AGBL4: variants seen among roughly 807,000 people sequenced by gnomAD.
AGBL4 encodes AGBL carboxypeptidase 4.
Under a neutral mutation model 66.4 loss-of-function variants are expected in AGBL4, and 58 were observed. That is an observed-to-expected ratio of 0.87 (90% CI 0.71 to 1.09). The LOEUF is 1.09. Ranked by LOEUF, AGBL4 falls within the 50% of genes least tolerant of loss-of-function variation. AGBL4 has a pLI of 0.00. For missense variants in AGBL4, 579 were observed against 631.0 expected, an observed-to-expected ratio of 0.92 and a Z score of 0.88; for synonymous variants, 234 against 222.9, an observed-to-expected ratio of 1.05 and a Z score of -0.44.
chr1:49,058,156 A>G (rs768791653), intron 4 of AGBL4, among the ~76,000 whole-genome samples: 1 of 152,226 alleles, frequency 6.6e-6, no homozygotes, highest in Non-Finnish European at 1.5e-5. Flanking sequence ...ATCCTGCAAA[A>G]TGTAGTATCC....
chr1:49,455,979 T>C (rs1035731932), intron 3 of AGBL4, among the ~76,000 whole-genome samples: 3 of 151,800 alleles, frequency 2.0e-5, no homozygotes, highest in African/African-American at 7.2e-5. Context: ...CTATAGATAA[T>C]GAGGGCAAGA....
chr1:48,915,101 T>C lies in AGBL4; in HGVS notation c.595-47871A>G, dbSNP rs570576042. ...ATTTGTTATTTATTATTACCTGGAG[T>C]ATGAAAAAGAAACATTTTAGCATGA... is the stretch of plus-strand genomic sequence containing the variant. On this transcript the variant is annotated intron_variant, in intron 5 of 13. Coordinates refer to ENST00000371839, the MANE Select transcript of AGBL4 (RefSeq NM_032785.4). Among the ~76,000 whole-genome samples the C allele has an allele frequency of 2.4e-4, 37 of 152,284 alleles. 1 individual carries two copies. The South Asian group carries it at 7.5e-3, about 31-fold the overall frequency.
At chr1:49,859,375 A>G (rs1646512758) in intron 1 of AGBL4, among the ~76,000 whole-genome samples, 1 of 152,222 alleles carries the variant, frequency 6.6e-6, no homozygotes, top group Non-Finnish European at 1.5e-5. Flanking sequence ...GTCTGAGGAA[A>G]GTATATCATG....
intron 3 of AGBL4, among the ~76,000 whole-genome samples, chr1:49,314,778 T>A (rs1298526618): frequency 2.6e-5 from 4 of 152,148 alleles, no homozygotes; most frequent in African/African-American, 9.7e-5. Context: ...ATGGTATTTC[T>A]GGTTCTAGAT....
chr1:48,605,382 G>A (rs1645139535), intron 9 of AGBL4, among the ~76,000 whole-genome samples: 2 of 152,140 alleles, frequency 1.3e-5, no homozygotes, highest in Non-Finnish European at 2.9e-5. Flanking sequence ...TCCAGACTGT[G>A]TGATGCTCCT....
rs760433242 is a variant in AGBL4, at chr1:49,530,996, T to C, written c.282+166317A>G. On this transcript the variant is annotated intron_variant, in intron 3 of 13. Coordinates refer to ENST00000371839, the MANE Select transcript of AGBL4 (RefSeq NM_032785.4). ...TAGTATATGTAAATACCTAGGTCAA[T>C]ACCTAGCACAGAGCACTCAATCAAT... Among the ~76,000 whole-genome samples the C allele has an allele frequency of 2.8e-4, 42 of 152,142 alleles. 1 individual carries two copies. The highest frequency in any genetic ancestry group is 4.7e-4 in the Non-Finnish European group (32 of 68,016).
At chr1:49,189,976 T>A (rs867078699) in intron 4 of AGBL4, among the ~76,000 whole-genome samples, 3 of 152,190 alleles carry the variant, frequency 2.0e-5, no homozygotes, top group African/African-American at 7.2e-5. Context: ...ATGCATTCTT[T>A]GTTTTTATTT....
At chr1:48,628,985 A>G (rs534745885) in intron 9 of AGBL4, among the ~76,000 whole-genome samples, 7 of 152,112 alleles carry the variant, frequency 4.6e-5, no homozygotes, top group Non-Finnish European at 7.4e-5. Context: ...ACTCTGCCCT[A>G]TTAATCTCTG....
intron 5 of AGBL4, among the ~76,000 whole-genome samples, chr1:48,870,579 C>T (rs1648553810): frequency 6.6e-6 from 1 of 152,122 alleles, no homozygotes; most frequent in Non-Finnish European, 1.5e-5. Flanking sequence ...CTTTGGGGTT[C>T]TTTGCCTTTA....
intron 5 of AGBL4, among the ~76,000 whole-genome samples, chr1:48,954,993 G>A (rs926633113): frequency 2.6e-5 from 4 of 152,148 alleles, no homozygotes; most frequent in Admixed American, 2.0e-4. Context: ...AGGGCTTAGC[G>A]TGATTAAGTG....
At chr1:48,738,969 A>C (rs1057113871) in intron 6 of AGBL4, among the ~76,000 whole-genome samples, 1 of 152,226 alleles carries the variant, frequency 6.6e-6, no homozygotes, top group African/African-American at 2.4e-5. Flanking sequence ...TAAGGTACAC[A>C]ATCAGTCAAT....
At chr1:48,719,081 T>C (rs1647100224) in intron 6 of AGBL4, among the ~76,000 whole-genome samples, 1 of 152,190 alleles carries the variant, frequency 6.6e-6, no homozygotes, top group Non-Finnish European at 1.5e-5. Context: ...ACTCTTTTAC[T>C]CCACATCCCA....
chr1:49,248,950 A>T (rs1007516803), intron 3 of AGBL4, among the ~76,000 whole-genome samples: 1 of 152,162 alleles, frequency 6.6e-6, no homozygotes, highest in African/African-American at 2.4e-5. Flanking sequence ...TGTTAGTCTA[A>T]GAGTAGGTAT....
intron 6 of AGBL4, among the ~76,000 whole-genome samples, chr1:48,735,992 C>T (rs1334500703): frequency 6.6e-6 from 1 of 152,208 alleles, no homozygotes; most frequent in African/African-American, 2.4e-5. Flanking sequence ...CCTTAGCACA[C>T]CATCTGTCCC....
chr1:49,417,441 C>T (rs1026003817), intron 3 of AGBL4, among the ~76,000 whole-genome samples: 11 of 151,986 alleles, frequency 7.2e-5, no homozygotes, highest in African/African-American at 2.2e-4. Context: ...TCAAAATTCC[C>T]TCAACTGATC....
intron 3 of AGBL4, among the ~76,000 whole-genome samples, chr1:49,407,439 C>A (rs1005792813): frequency 6.6e-6 from 1 of 152,174 alleles, no homozygotes; most frequent in Non-Finnish European, 1.5e-5. Flanking sequence ...AGTCACAGTG[C>A]AGATTTTAGA....
intron 6 of AGBL4, among the ~76,000 whole-genome samples, chr1:48,794,047 G>T (rs185534777): frequency 3.3e-4 from 50 of 152,292 alleles, no homozygotes; most frequent in African/African-American, 1.2e-3. Flanking sequence ...CCTTGGCTGG[G>T]ATCTGAAATT....
At chr1:48,776,854 C>T (rs913354188) in intron 6 of AGBL4, 91 of 1,378,324 alleles carry the variant, frequency 6.6e-5, no homozygotes, top group Non-Finnish European at 8.4e-5. Context: ...GGGCGGGCCC[C>T]GGTCGGGCAG....
intron 1 of AGBL4, among the ~76,000 whole-genome samples, chr1:49,919,752 T>C (rs1651997659): frequency 6.6e-6 from 1 of 152,050 alleles, no homozygotes; most frequent in South Asian, 2.1e-4. Context: ...AAAGTTCATA[T>C]GGAACCAAAA....
Sources: gnomAD v4.1 joint callset for allele counts (sites outside exome capture counted in the v4.1 genomes callset) on GRCh38, gnomAD v4.1.1 for gene constraint, MANE v1.5 for transcripts, NCBI Gene and HGNC (gene_info 2026-07-23, HGNC 2026-07-21) for gene names.